Variants in LRMDA observed in about 807,000 individuals in gnomAD.
LRMDA encodes leucine-rich melanocyte differentiation-associated protein.
In LRMDA, 18 loss-of-function variants were observed where a neutral mutation model predicts 29.8. The ratio of observed to expected loss-of-function variants is 0.60; its 90% CI spans 0.42 to 0.90. LRMDA has a LOEUF of 0.90. LRMDA is among the 40% of genes least tolerant of loss of function. The probability of loss-of-function intolerance (pLI) is 0.00; values close to 1 mark genes in which losing one functional copy is unlikely to be tolerated. For missense variants in LRMDA, 273 were observed against 273.9 expected, an observed-to-expected ratio of 1.00 and a Z score of 0.02; for synonymous variants, 125 against 109.4, an observed-to-expected ratio of 1.14 and a Z score of -0.89.
chr10:75,898,781 A>G (rs1456191849), intron 2 of LRMDA, among the ~76,000 whole-genome samples: 2 of 152,212 alleles, frequency 1.3e-5, no homozygotes, highest in South Asian at 2.1e-4. Flanking sequence ...ACTAATTCAT[A>G]GATAACTTTG....
At chr10:75,673,944 T>C (rs916996377) in intron 2 of LRMDA, among the ~76,000 whole-genome samples, 1 of 152,208 alleles carries the variant, frequency 6.6e-6, no homozygotes, top group Non-Finnish European at 1.5e-5. Context: ...ATGTAACAAA[T>C]GTTTGAAGTA....
intron 2 of LRMDA, among the ~76,000 whole-genome samples, chr10:75,995,278 G>C (rs940703215): frequency 1.3e-5 from 2 of 152,188 alleles, no homozygotes; most frequent in African/African-American, 4.8e-5. Context: ...AGTACTTGCA[G>C]CTGCATTCTG....
chr10:75,495,169 G>T (rs1845029434), intron 2 of LRMDA, among the ~76,000 whole-genome samples: 1 of 152,028 alleles, frequency 6.6e-6, no homozygotes, highest in Non-Finnish European at 1.5e-5. Flanking sequence ...TGGATATTGG[G>T]GTAGGCCACC....
At chr10:75,582,021 G>T (rs1272690863) in intron 2 of LRMDA, among the ~76,000 whole-genome samples, 1 of 152,214 alleles carries the variant, frequency 6.6e-6, no homozygotes, top group Non-Finnish European at 1.5e-5. Flanking sequence ...GGCTCCCAAG[G>T]TCTTGGGCAG....
Position 76,495,723 on chromosome 10 carries a change from T to C in LRMDA, c.602-61486T>C, listed in dbSNP as rs139603182. Among the ~76,000 whole-genome samples the C allele has an allele frequency of 3.0e-3, 455 of 152,076 alleles. 3 individuals are homozygous for C. The highest frequency in any genetic ancestry group is 0.01 in the African/African-American group (418 of 41,550). On this transcript the variant is annotated intron_variant, in intron 6 of 6. Coordinates refer to ENST00000611255, the MANE Select transcript of LRMDA (RefSeq NM_001305581.2). ...GTAATTTTTTTATACAAATTGTATA[T>C]ATACTTTATTAGATTTATACCTAAG...
At chr10:75,701,057 A>AGAG (rs1842302379) in intron 2 of LRMDA, among the ~76,000 whole-genome samples, 1 of 152,184 alleles carries the variant, frequency 6.6e-6, no homozygotes, top group Non-Finnish European at 1.5e-5. Flanking sequence ...AAAGTGCGAT[A>AGAG]GAGAACTCCT....
intron 2 of LRMDA, among the ~76,000 whole-genome samples, chr10:76,012,777 T>A (rs890674551): frequency 6.6e-6 from 1 of 152,224 alleles, no homozygotes; most frequent in African/African-American, 2.4e-5. Flanking sequence ...TGTCTTTTCC[T>A]GCATAATTGG....
Position 76,540,885 on chromosome 10 carries a change from C to T in LRMDA, c.602-16324C>T, listed in dbSNP as rs374573044. ...GGCTTGGGAAGATGGATCTTTGTTA[C>T]GAGTGAATAACTTGCAGAAAAATTA... On this transcript the variant is annotated intron_variant, in intron 6 of 6. Coordinates refer to ENST00000611255, the MANE Select transcript of LRMDA (RefSeq NM_001305581.2). Among the ~76,000 whole-genome samples, 13 of 152,198 alleles carry T rather than the reference C, an allele frequency of 8.5e-5. No individual in the cohort carries two copies. The East Asian group carries it at 9.7e-4, about 11-fold the overall frequency.
At chr10:75,479,600 C>CATTT (rs1297506814) in intron 2 of LRMDA, among the ~76,000 whole-genome samples, 1 of 151,770 alleles carries the variant, frequency 6.6e-6, no homozygotes, top group African/African-American at 2.4e-5. Context: ...TTCATTCATT[C>CATTT]ATTTACTCAC....
intron 2 of LRMDA, among the ~76,000 whole-genome samples, chr10:75,536,120 T>C (rs958416059): frequency 1.3e-5 from 2 of 152,122 alleles, no homozygotes; most frequent in African/African-American, 4.8e-5. Context: ...TTTGCTCACA[T>C]TGGCCCCTGA....
chr10:75,990,857 G>A (rs1489131718), intron 2 of LRMDA, among the ~76,000 whole-genome samples: 1 of 152,188 alleles, frequency 6.6e-6, no homozygotes, highest in East Asian at 1.9e-4. Flanking sequence ...GACTTCTGGG[G>A]ACTTGCAGGA....
chr10:76,315,713 G>A (rs1233649657), intron 5 of LRMDA, among the ~76,000 whole-genome samples: 2 of 152,166 alleles, frequency 1.3e-5, no homozygotes, highest in African/African-American at 4.8e-5. Flanking sequence ...TCCCTGGGCG[G>A]AAGGGGGTGG....
At chr10:75,542,780 T>A (rs886446734) in intron 2 of LRMDA, among the ~76,000 whole-genome samples, 3 of 152,184 alleles carry the variant, frequency 2.0e-5, no homozygotes, top group African/African-American at 7.2e-5. Flanking sequence ...GGGAGACACA[T>A]GCAGGCCTGA....
rs1183354412 is a variant in LRMDA, at chr10:75,471,954, A to T, written c.131+33460A>T. 5.9e-5 allele frequency among the ~76,000 whole-genome samples: 9 copies of T among 152,052 alleles called. No homozygotes were observed. In the East Asian group the frequency reaches 1.7e-3, roughly 29 times the overall value. ...GACCCTCTGGCTTCTGGTTCAAGAC[A>T]TACTTCTTTGCTGGGCCCTTCAGAA... On this transcript the variant is annotated intron_variant, in intron 2 of 6. Transcript: ENST00000611255.
chr10:76,507,021 A>AT (rs1157575261), intron 6 of LRMDA, among the ~76,000 whole-genome samples: 1 of 151,864 alleles, frequency 6.6e-6, no homozygotes, highest in Non-Finnish European at 1.5e-5. Flanking sequence ...CTGTTTATAA[A>AT]TTTTTTGTAC....
At chr10:76,295,883 G>T (rs1322096776) in intron 5 of LRMDA, among the ~76,000 whole-genome samples, 1 of 152,074 alleles carries the variant, frequency 6.6e-6, no homozygotes, top group Non-Finnish European at 1.5e-5. Context: ...CTTCACTCAT[G>T]CTAATCTTCA....
chr10:75,918,958 C>G (rs1281865296), intron 2 of LRMDA, among the ~76,000 whole-genome samples: 1 of 152,124 alleles, frequency 6.6e-6, no homozygotes, highest in East Asian at 1.9e-4. Context: ...AGTTGTCCTG[C>G]AGAGTAAAAA....
chr10:76,006,155 A>G (rs765461530), intron 2 of LRMDA, among the ~76,000 whole-genome samples: 12 of 152,096 alleles, frequency 7.9e-5, no homozygotes, highest in Non-Finnish European at 1.8e-4. Flanking sequence ...GTCTGTGAAC[A>G]TTTAAGGAGC....
chr10:75,534,029 GTCC>G (rs1845509836), intron 2 of LRMDA, among the ~76,000 whole-genome samples: 1 of 152,196 alleles, frequency 6.6e-6, no homozygotes, highest in Non-Finnish European at 1.5e-5. Context: ...CTCAGATGGT[GTCC>G]TATAGAACCC....
Sources: allele counts gnomAD v4.1 joint callset (sites outside exome capture counted in the v4.1 genomes callset), GRCh38; gene constraint gnomAD v4.1.1; transcripts MANE v1.5; gene names NCBI Gene and HGNC (gene_info 2026-07-23, HGNC 2026-07-21).